The following HS3ST3A1 variants were observed in gnomAD, a reference collection of about 807,000 sequenced individuals.
The protein encoded by HS3ST3A1 is heparan sulfate-glucosamine 3-sulfotransferase 3A1, also known as heparan sulfate glucosamine 3-O-sulfotransferase 3A1.
HS3ST3A1 carries 19 observed loss-of-function variants against 25.7 expected under a neutral mutation model. The ratio of observed to expected loss-of-function variants is 0.74; its 90% CI spans 0.52 to 1.08. The LOEUF (loss-of-function observed/expected upper bound fraction) is 1.08. Ranked by LOEUF, HS3ST3A1 falls within the 50% of genes least tolerant of loss-of-function variation. The probability of loss-of-function intolerance (pLI) is 0.00; values close to 1 mark genes in which losing one functional copy is unlikely to be tolerated. For synonymous variants in HS3ST3A1, 226 were observed against 278.6 expected (o/e 0.81, Z 1.88); for missense variants, 459 against 594.3 (o/e 0.77, Z 2.37).
chr17:13,540,602 T>A (rs569702806), intron 1 of HS3ST3A1, among the ~76,000 whole-genome samples: 23 of 152,246 alleles, frequency 1.5e-4, no homozygotes, highest in Non-Finnish European at 2.4e-4. Flanking sequence ...TGCATTTACG[T>A]TGGAAGACCA....
chr17:13,545,202 C>T (rs1190551171), intron 1 of HS3ST3A1, among the ~76,000 whole-genome samples: 6 of 152,250 alleles, frequency 3.9e-5, no homozygotes, highest in Non-Finnish European at 7.4e-5. Context: ...AAATATCGGG[C>T]CTTACCCAGA....
intron 1 of HS3ST3A1, among the ~76,000 whole-genome samples, chr17:13,560,289 C>CAAAAAAAAAAAA (rs10632927): frequency 0.034 from 599 of 17,382 alleles, 212 homozygotes; most frequent in African/African-American, 0.038. Context: ...CACTCGTCTC[C>CAAAAAAAAAAAA]AAAAAAAAAA....
rs1907111015 is a variant in HS3ST3A1 at position 13,547,086 on chromosome 17, T to A, written c.600-50268A>T. On this transcript the variant is annotated intron_variant, in intron 1 of 1. Transcript: ENST00000284110. ...AATTTCTTTTGGCTATTAAATTCTA[T>A]GACCACATGTCTTACACAGAGACCC... Among the ~76,000 whole-genome samples the A allele has an allele frequency of 2.0e-5, 3 of 152,338 alleles. No homozygotes were observed. In the South Asian group the frequency reaches 6.2e-4, roughly 32 times the overall value.
chr17:13,556,546 TAAAAA>T (rs1352638193), intron 1 of HS3ST3A1, among the ~76,000 whole-genome samples: 2 of 85,584 alleles, frequency 2.3e-5, no homozygotes, highest in Middle Eastern at 0.013. Context: ...AATAAATAGA[TAAAAA>T]ATAAAAAGAA....
Position 13,508,209 on chromosome 17 carries a change from G to T in HS3ST3A1, c.600-11391C>A, listed in dbSNP as rs150271047. On this transcript the variant is annotated intron_variant, in intron 1 of 1. Coordinates refer to ENST00000284110, the MANE Select transcript of HS3ST3A1 (RefSeq NM_006042.3). Reference sequence around the variant, plus strand: ...AAACTTTTAACGACCAGGTAAAGAAGAAAGAGAAAAAAAAATTGATTCTTA... The same window carrying T: ...AAACTTTTAACGACCAGGTAAAGAATAAAGAGAAAAAAAAATTGATTCTTA... Among the ~76,000 whole-genome samples, 188 of 152,006 alleles carry T rather than the reference G, an allele frequency of 1.2e-3. 1 individual carries two copies. Among genetic ancestry groups the T allele is most frequent in the Middle Eastern group, 3.4e-3 (1 of 294 alleles).
intron 1 of HS3ST3A1, among the ~76,000 whole-genome samples, chr17:13,544,776 A>AC (rs916190406): frequency 6.6e-6 from 1 of 150,942 alleles, no homozygotes; most frequent in African/African-American, 2.4e-5. Context: ...CCCTCCAGGA[A>AC]AAAAAAAAAA....
At chr17:13,515,318 C>T (rs1226717815) in intron 1 of HS3ST3A1, among the ~76,000 whole-genome samples, 1 of 152,088 alleles carries the variant, frequency 6.6e-6, no homozygotes, top group Non-Finnish European at 1.5e-5. Flanking sequence ...TGCCATCATA[C>T]CTGGCTAATT....
At chr17:13,586,035 G>T (rs1357550507) in intron 1 of HS3ST3A1, among the ~76,000 whole-genome samples, 2 of 151,454 alleles carry the variant, frequency 1.3e-5, no homozygotes, top group Non-Finnish European at 2.9e-5. Context: ...TTTTAGTAGA[G>T]ACGGGGTTTC....
intron 1 of HS3ST3A1, among the ~76,000 whole-genome samples, chr17:13,517,947 A>G (rs1280974182): frequency 6.6e-6 from 1 of 152,174 alleles, no homozygotes; most frequent in African/African-American, 2.4e-5. Context: ...CCTGGCCGTA[A>G]ATTTATTTTC....
chr17:13,574,770 CA>C (rs11353885), intron 1 of HS3ST3A1, among the ~76,000 whole-genome samples: 121,523 of 150,082 alleles, frequency 0.81, 49,002 homozygotes, highest in East Asian at 0.91. Context: ...AAAAAACACA[CA>C]AAAAAAATGA....
intron 1 of HS3ST3A1, among the ~76,000 whole-genome samples, chr17:13,529,642 T>C (rs190208708): frequency 6.6e-6 from 1 of 152,332 alleles, no homozygotes; most frequent in East Asian, 1.9e-4. Flanking sequence ...TTTATGTTTG[T>C]TGAATTCATT....
intron 1 of HS3ST3A1, among the ~76,000 whole-genome samples, chr17:13,553,977 T>C (rs1183763194): frequency 6.6e-6 from 1 of 152,060 alleles, no homozygotes; most frequent in African/African-American, 2.4e-5. Context: ...AATTGTCCTA[T>C]AAAAACTCTA....
At chr17:13,559,848 C>T (rs1391966750) in intron 1 of HS3ST3A1, among the ~76,000 whole-genome samples, 3 of 151,388 alleles carry the variant, frequency 2.0e-5, no homozygotes, top group Non-Finnish European at 4.4e-5. Context: ...TTATTTTTTG[C>T]TTAGGTTGTA....
intron 1 of HS3ST3A1, among the ~76,000 whole-genome samples, chr17:13,558,084 C>T (rs1185558557): frequency 6.6e-6 from 1 of 152,090 alleles, no homozygotes; most frequent in African/African-American, 2.4e-5. Context: ...AAGCTATAGT[C>T]CACCAAGATT....
intron 1 of HS3ST3A1, 118 bp from the exon 2 acceptor site, chr17:13,496,936 T>C: frequency 7.1e-7 from 1 of 1,398,676 alleles, no homozygotes; most frequent in South Asian, 1.4e-5. Context: ...CCCCACTTGC[T>C]AGACATCTGA....
At chr17:13,505,556 A>G (rs1905634991) in intron 1 of HS3ST3A1, among the ~76,000 whole-genome samples, 2 of 152,136 alleles carry the variant, frequency 1.3e-5, no homozygotes, top group South Asian at 4.1e-4. Flanking sequence ...ATAGTGGGAA[A>G]GACAAGGTGG....
At chr17:13,543,416 T>TG (rs1906992031) in intron 1 of HS3ST3A1, 1 of 127,288 alleles carries the variant, frequency 7.9e-6, no homozygotes, top group Non-Finnish European at 1.7e-5. Context: ...AGAGAAAAAA[T>TG]ATTTTTTTTT....
chr17:13,552,258 T>A (rs142551586), intron 1 of HS3ST3A1, among the ~76,000 whole-genome samples: 2,649 of 152,170 alleles, frequency 0.017, 58 homozygotes, highest in South Asian at 0.067. Flanking sequence ...TTTTTGTGTA[T>A]TTTTAGTAGA....
At chr17:13,524,937 A>G (rs1819915741) in intron 1 of HS3ST3A1, among the ~76,000 whole-genome samples, 1 of 152,210 alleles carries the variant, frequency 6.6e-6, no homozygotes, top group African/African-American at 2.4e-5. Context: ...ATTAAGCTAT[A>G]AATTATACCC....
Sources: gnomAD v4.1 joint callset for allele counts (sites outside exome capture counted in the v4.1 genomes callset) on GRCh38, gnomAD v4.1.1 for gene constraint, MANE v1.5 for transcripts, NCBI Gene and HGNC (gene_info 2026-07-23, HGNC 2026-07-21) for gene names.